The following SORCS1 variants were observed in gnomAD, a reference collection of about 807,000 sequenced individuals.
SORCS1 encodes VPS10 domain-containing receptor SorCS1.
Under a neutral mutation model 146.1 loss-of-function variants are expected in SORCS1, and 60 were observed. The observed-to-expected ratio is 0.41, with a 90% confidence interval of 0.33 to 0.51. The LOEUF (loss-of-function observed/expected upper bound fraction) is 0.51. Among genes scored for constraint, SORCS1 ranks in the 20% least tolerant of loss-of-function variants. The pLI, the probability that SORCS1 is intolerant of heterozygous loss-of-function variation, is 0.21. For synonymous variants in SORCS1, 637 were observed against 584.0 expected, an observed-to-expected ratio of 1.09 and a Z score of -1.31; for missense variants, 1,352 against 1,487.6, an observed-to-expected ratio of 0.91 and a Z score of 1.50.
chr10:106,620,687 A>T, intron 19 of SORCS1, 126 bp from the exon 20 acceptor site: 1 of 1,164,432 alleles, frequency 8.6e-7, no homozygotes, highest in Non-Finnish European at 1.2e-6. Context: ...ATTCCCCAAA[A>T]GAAGTGTTCA....
chr10:106,979,922 G>C (rs1308572276), intron 1 of SORCS1, among the ~76,000 whole-genome samples: 1 of 152,182 alleles, frequency 6.6e-6, no homozygotes, highest in Non-Finnish European at 1.5e-5. Context: ...ATAATCAAGT[G>C]AAATACTGTA....
chr10:106,725,035 G>C (rs1856048980), intron 6 of SORCS1, among the ~76,000 whole-genome samples: 1 of 152,166 alleles, frequency 6.6e-6, no homozygotes, highest in Non-Finnish European at 1.5e-5. Flanking sequence ...AGCTACTGGG[G>C]AGGCTGAGGC....
At chr10:106,839,460 T>C (rs1293447184) in intron 2 of SORCS1, among the ~76,000 whole-genome samples, 1 of 152,100 alleles carries the variant, frequency 6.6e-6, no homozygotes, top group Admixed American at 6.6e-5. Context: ...GAAGACGCTG[T>C]GGAAGAAAAG....
chr10:106,958,681 G>C (rs1955080261), intron 1 of SORCS1, among the ~76,000 whole-genome samples: 1 of 152,082 alleles, frequency 6.6e-6, no homozygotes, highest in African/African-American at 2.4e-5. Flanking sequence ...TTCAAAACTT[G>C]CTTCTTTAGC....
intron 5 of SORCS1, among the ~76,000 whole-genome samples, chr10:106,740,820 AAAGAT>A (rs1404359247): frequency 6.6e-6 from 1 of 152,236 alleles, no homozygotes; most frequent in African/African-American, 2.4e-5. Flanking sequence ...AAAATAATGA[AAAGAT>A]AAGAGAAAGA....
At chr10:106,639,146 T>A (rs1226224326) in intron 18 of SORCS1, among the ~76,000 whole-genome samples, 2 of 152,118 alleles carry the variant, frequency 1.3e-5, no homozygotes, top group Non-Finnish European at 2.9e-5. Flanking sequence ...CAGAGGGTCA[T>A]GGAATAATAA....
chr10:106,834,451 T>G (rs1948697875), intron 2 of SORCS1, among the ~76,000 whole-genome samples: 1 of 152,202 alleles, frequency 6.6e-6, no homozygotes, highest in Non-Finnish European at 1.5e-5. Context: ...ATGCGACATT[T>G]TCCAAACATA....
At chr10:106,620,233 A>G in intron 20 of SORCS1, 195 bp downstream of exon 20, 1 of 551,434 alleles carries the variant, frequency 1.8e-6, no homozygotes, top group Non-Finnish European at 2.9e-6. Flanking sequence ...TGAAATGCAG[A>G]AGGTGGAGAG....
At chr10:106,797,574 A>G (rs1212555816) in intron 3 of SORCS1, among the ~76,000 whole-genome samples, 1 of 152,104 alleles carries the variant, frequency 6.6e-6, no homozygotes, top group Non-Finnish European at 1.5e-5. Flanking sequence ...GAAACAACCA[A>G]CCAGGTGCAT....
At chr10:106,970,899 C>T (rs925410365) in intron 1 of SORCS1, among the ~76,000 whole-genome samples, 19 of 139,802 alleles carry the variant, frequency 1.4e-4, no homozygotes, top group Non-Finnish European at 2.3e-4. Flanking sequence ...CCACCATGCA[C>T]AGCTAATTTT....
At chr10:106,896,882 A>G (rs1214825883) in intron 2 of SORCS1, among the ~76,000 whole-genome samples, 2 of 150,906 alleles carry the variant, frequency 1.3e-5, no homozygotes, top group Non-Finnish European at 2.9e-5. Flanking sequence ...TCTATGCACC[A>G]AATACTGTTT....
At chr10:107,108,284 A>G (rs1413645631) in intron 1 of SORCS1, among the ~76,000 whole-genome samples, 2 of 152,216 alleles carry the variant, frequency 1.3e-5, no homozygotes, top group Non-Finnish European at 2.9e-5. Flanking sequence ...TGGATAATTT[A>G]TAAAGAAAAG....
chr10:106,934,050 C>T (rs907961869), intron 2 of SORCS1, among the ~76,000 whole-genome samples: 1 of 145,054 alleles, frequency 6.9e-6, no homozygotes, highest in African/African-American at 2.6e-5. Context: ...GTCGAGATCA[C>T]ACCACTGCAC....
chr10:107,084,092 G>GTTTTTTTTT (rs34590427), intron 1 of SORCS1, among the ~76,000 whole-genome samples: 15 of 113,770 alleles, frequency 1.3e-4, no homozygotes, highest in East Asian at 2.6e-4. Context: ...GTTGTTTTTT[G>GTTTTTTTTT]TTTTTTTTTT....
At chr10:106,947,493 G>A (rs755752561) in intron 2 of SORCS1, among the ~76,000 whole-genome samples, 19 of 152,178 alleles carry the variant, frequency 1.2e-4, no homozygotes, top group Non-Finnish European at 2.1e-4. Context: ...CTAGCTGGCT[G>A]TCAGACCATT....
chr10:106,965,704 A>T (rs1955463686), intron 1 of SORCS1, among the ~76,000 whole-genome samples: 1 of 152,176 alleles, frequency 6.6e-6, no homozygotes, highest in Non-Finnish European at 1.5e-5. Context: ...CCCTGTGCTA[A>T]ACTTTCCTCT....
At chr10:107,044,926 A>G (rs1010855379) in intron 1 of SORCS1, among the ~76,000 whole-genome samples, 1 of 152,068 alleles carries the variant, frequency 6.6e-6, no homozygotes, top group East Asian at 1.9e-4. Context: ...GGGTTAACAC[A>G]TGCTGCAGGA....
At chr10:106,869,060 C>T (rs1298928891) in intron 2 of SORCS1, among the ~76,000 whole-genome samples, 9 of 152,146 alleles carry the variant, frequency 5.9e-5, no homozygotes, top group African/African-American at 1.7e-4. Flanking sequence ...CTACTATGAA[C>T]ACCTCTATGT....
intron 3 of SORCS1, among the ~76,000 whole-genome samples, chr10:106,823,530 T>G (rs2136944796): frequency 6.6e-6 from 1 of 152,318 alleles, no homozygotes; most frequent in East Asian, 1.9e-4. Context: ...ATTCAAATAT[T>G]CAGTCATGTA....
Sources: allele counts gnomAD v4.1 joint callset (sites outside exome capture counted in the v4.1 genomes callset), GRCh38; gene constraint gnomAD v4.1.1; transcripts MANE v1.5; gene names NCBI Gene and HGNC (gene_info 2026-07-23, HGNC 2026-07-21).